The following PTCHD4 variants were observed in gnomAD, a reference collection of about 807,000 sequenced individuals.
PTCHD4 encodes patched domain containing 4, also known as patched domain-containing protein 4.
Under a neutral mutation model 58.1 loss-of-function variants are expected in PTCHD4, and 33 were observed. The ratio of observed to expected loss-of-function variants is 0.57; its 90% CI spans 0.43 to 0.76. PTCHD4 has a LOEUF of 0.76. Among genes scored for constraint, PTCHD4 ranks in the 30% least tolerant of loss-of-function variants. The probability of loss-of-function intolerance (pLI) is 0.00; values close to 1 mark genes in which losing one functional copy is unlikely to be tolerated. For synonymous variants in PTCHD4, 478 were observed against 409.6 expected, an observed-to-expected ratio of 1.17 and a Z score of -2.02; for missense variants, 1,058 against 1,027.1, an observed-to-expected ratio of 1.03 and a Z score of -0.41.
intron 4 of PTCHD4, among the ~76,000 whole-genome samples, chr6:47,979,429 A>T (rs1025971546): frequency 1.3e-5 from 2 of 152,164 alleles, no homozygotes; most frequent in Admixed American, 6.5e-5. Flanking sequence ...ATAAAAAATA[A>T]GATGGTTGAT....
chr6:47,897,270 T>C (rs141037355), intron 4 of PTCHD4, among the ~76,000 whole-genome samples: 160 of 152,302 alleles, frequency 1.1e-3, no homozygotes, highest in South Asian at 2.5e-3. Context: ...CTTGCTGCAA[T>C]TTATCAATAG....
chr6:47,993,973 A>T (rs1768377191), intron 4 of PTCHD4, among the ~76,000 whole-genome samples: 1 of 152,186 alleles, frequency 6.6e-6, no homozygotes, highest in Non-Finnish European at 1.5e-5. Context: ...AAGAGACAAA[A>T]TAGTATTACC....
At chr6:47,946,106 A>G (rs1766408438) in intron 4 of PTCHD4, among the ~76,000 whole-genome samples, 1 of 152,074 alleles carries the variant, frequency 6.6e-6, no homozygotes, top group South Asian at 2.1e-4. Flanking sequence ...AAATTTGTTG[A>G]ATCTTGATAT....
At chr6:47,929,622 A>G (rs1269806129) in intron 4 of PTCHD4, among the ~76,000 whole-genome samples, 1 of 152,202 alleles carries the variant, frequency 6.6e-6, no homozygotes, top group African/African-American at 2.4e-5. Flanking sequence ...TATAGATGTG[A>G]AATTATTATT....
intron 4 of PTCHD4, among the ~76,000 whole-genome samples, chr6:47,890,164 T>C (rs989107520): frequency 1.3e-5 from 2 of 151,844 alleles, no homozygotes; most frequent in Non-Finnish European, 2.9e-5. Context: ...TGTGTCTGTG[T>C]GTGTATATAT....
intron 4 of PTCHD4, among the ~76,000 whole-genome samples, chr6:47,985,197 T>C (rs909947153): frequency 2.0e-5 from 3 of 152,134 alleles, no homozygotes; most frequent in Non-Finnish European, 4.4e-5. Flanking sequence ...ACTACTCTTT[T>C]AAGCTGACAT....
At chr6:47,945,928 T>C (rs1386341170) in intron 4 of PTCHD4, among the ~76,000 whole-genome samples, 2 of 151,812 alleles carry the variant, frequency 1.3e-5, no homozygotes, top group Non-Finnish European at 2.9e-5. Flanking sequence ...TTAAGTAGTA[T>C]TTTGTTATTC....
At chr6:47,928,260 G>C (rs1048494089) in intron 4 of PTCHD4, among the ~76,000 whole-genome samples, 1 of 152,180 alleles carries the variant, frequency 6.6e-6, no homozygotes, top group African/African-American at 2.4e-5. Context: ...TATCTAAGAT[G>C]AGTGAAATAT....
intron 1 of PTCHD4, among the ~76,000 whole-genome samples, chr6:48,102,792 C>T (rs1765635403): frequency 6.6e-6 from 1 of 152,250 alleles, no homozygotes; most frequent in African/African-American, 2.4e-5. Context: ...ACAAACGACA[C>T]ACCAGGAGAT....
At chr6:47,904,904 T>G (rs1391656311) in intron 4 of PTCHD4, among the ~76,000 whole-genome samples, 2 of 152,090 alleles carry the variant, frequency 1.3e-5, no homozygotes, top group Admixed American at 1.3e-4. Context: ...TTACATTAGA[T>G]GAGGCCAATG....
intron 4 of PTCHD4, among the ~76,000 whole-genome samples, chr6:47,957,856 G>A (rs1276500550): frequency 5.9e-5 from 9 of 151,810 alleles, no homozygotes; most frequent in South Asian, 2.1e-4. Context: ...TGCCCACCTC[G>A]GCCTCCCAAA....
In PTCHD4 at chr6:47,868,584, A is replaced by G. The variant is rs1309303204; in HGVS notation, c.*9719T>C. Among the ~76,000 whole-genome samples, 3 of 151,840 alleles carry G rather than the reference A, an allele frequency of 2.0e-5. No individual in the cohort carries two copies. Among genetic ancestry groups the G allele is most frequent in the Non-Finnish European group, 4.4e-5 (3 of 67,836 alleles). On this transcript the variant is annotated 3_prime_UTR_variant, in exon 5 of 5. Transcript: ENST00000339488. Reference sequence around the variant, plus strand: ...GACATTGTGTGCTTCATAGTTTGGCATGTCAGTTGCCATTTTTAAAATAAA... The same window carrying G: ...GACATTGTGTGCTTCATAGTTTGGCGTGTCAGTTGCCATTTTTAAAATAAA...
chr6:47,975,800 C>A (rs1389768222), intron 4 of PTCHD4, among the ~76,000 whole-genome samples: 2 of 152,174 alleles, frequency 1.3e-5, no homozygotes, highest in Non-Finnish European at 2.9e-5. Context: ...TTGGAAAGTG[C>A]ATAGTGTGCT....
chr6:47,970,212 A>G (rs936541550), intron 4 of PTCHD4, among the ~76,000 whole-genome samples: 4 of 152,210 alleles, frequency 2.6e-5, no homozygotes, highest in African/African-American at 9.6e-5. Context: ...CATGCATTTA[A>G]GTCTGCTCCT....
intron 4 of PTCHD4, among the ~76,000 whole-genome samples, chr6:47,960,582 T>G (rs1056860189): frequency 3.9e-5 from 6 of 152,092 alleles, no homozygotes; most frequent in African/African-American, 1.4e-4. Flanking sequence ...AAAGTAAGTT[T>G]CAATGTAAAG....
Position 48,068,451 on chromosome 6 carries a change from C to A in PTCHD4, c.196G>T (p.Asp66Tyr). 1 of 1,613,792 alleles carries A rather than the reference C, an allele frequency of 6.2e-7. No homozygotes were observed. The highest frequency in any genetic ancestry group is 8.5e-7 in the Non-Finnish European group (1 of 1,179,854). The change falls in exon 3 of 5, where the codon GAC becomes TAC. Residue 66 changes from aspartate (D) to tyrosine (Y), a missense_variant. By Grantham distance (160) the Asp-to-Tyr change is radical. Coordinates refer to ENST00000339488, the MANE Select transcript of PTCHD4 (RefSeq NM_001384253.1). This position sits in a 1 kb window ranked among gnomAD's most constrained non-coding sequence, Gnocchi z 4.2. ...CTGGGAGCGACCAGGCGCTCCAGGT[C>A]GCCCTCGGGCTGGAAGCGGTTGAGC... ...SALNRFQPEG[D>Y]LERLVAPSHS...
At chr6:47,985,986 GATATA>G (rs68001151) in intron 4 of PTCHD4, among the ~76,000 whole-genome samples, 106,011 of 151,068 alleles carry the variant, frequency 0.7, 37,226 homozygotes, top group East Asian at 0.84. Flanking sequence ...TAATAGTATT[GATATA>G]ATATATTAAT....
intron 3 of PTCHD4, among the ~76,000 whole-genome samples, chr6:48,056,441 C>T (rs878902066): frequency 6.6e-6 from 1 of 151,996 alleles, no homozygotes; most frequent in Admixed American, 6.6e-5. Flanking sequence ...CTAATATGTG[C>T]CTGTCATTTA....
intron 4 of PTCHD4, among the ~76,000 whole-genome samples, chr6:47,961,085 A>G (rs1247165458): frequency 1.3e-5 from 2 of 151,900 alleles, no homozygotes; most frequent in African/African-American, 4.8e-5. Context: ...CATATCACAT[A>G]CTAGGCCATC....
Sources: gnomAD v4.1 joint callset for allele counts (sites outside exome capture counted in the v4.1 genomes callset) on GRCh38, gnomAD v4.1.1 for gene constraint, Gnocchi (gnomAD v3.1) non-coding constraint, MANE v1.5 for transcripts, NCBI Gene and HGNC (gene_info 2026-07-23, HGNC 2026-07-21) for gene names.